Variants in NAALADL2 observed in about 807,000 individuals in gnomAD.
NAALADL2 encodes inactive N-acetylated-alpha-linked acidic dipeptidase-like protein 2.
A neutral mutation model predicts 87.2 loss-of-function variants in NAALADL2; 76 were observed. That is an observed-to-expected ratio of 0.87 (90% CI 0.72 to 1.05). The LOEUF is 1.05. NAALADL2 is among the 50% of genes least tolerant of loss of function. NAALADL2 has a pLI of 0.00. For missense variants in NAALADL2, 1,089 were observed against 945.8 expected (o/e 1.15, Z -1.99); for synonymous variants, 354 against 331.0 (o/e 1.07, Z -0.75).
At chr3:175,507,221 T>A (rs1336287851) in intron 9 of NAALADL2, among the ~76,000 whole-genome samples, 1 of 152,098 alleles carries the variant, frequency 6.6e-6, no homozygotes, top group East Asian at 1.9e-4. Flanking sequence ...CTAAAGTTGT[T>A]TTACTAACAG....
In NAALADL2 at chr3:175,355,338, G is replaced by A. The variant is rs1444797126; in HGVS notation, c.1090+31013G>A. Among the ~76,000 whole-genome samples, 7 of 152,096 alleles carry A rather than the reference G, an allele frequency of 4.6e-5. No homozygotes were observed. In the East Asian group the frequency reaches 1.4e-3, roughly 29 times the overall value. On this transcript the variant is annotated intron_variant, in intron 5 of 13. Transcript: ENST00000454872. ...CACCTCAGCCTCCTCCCAAAGTGCT[G>A]TGATTACAGGTGTTAGACACCGCGC...
intron 5 of NAALADL2, among the ~76,000 whole-genome samples, chr3:175,406,853 T>G (rs988252848): frequency 2.0e-5 from 3 of 152,120 alleles, no homozygotes; most frequent in African/African-American, 7.2e-5. Context: ...TGGTTCAGTT[T>G]TATTCAAATA....
chr3:175,094,959 G>A (rs1290900383), intron 1 of NAALADL2, among the ~76,000 whole-genome samples: 2 of 151,970 alleles, frequency 1.3e-5, no homozygotes, highest in African/African-American at 2.4e-5. Context: ...CTATGTGAAT[G>A]CATCCTGATG....
At chr3:175,651,908 G>A (rs1730814294) in intron 11 of NAALADL2, among the ~76,000 whole-genome samples, 1 of 152,152 alleles carries the variant, frequency 6.6e-6, no homozygotes, top group South Asian at 2.1e-4. Context: ...GAAAACGAAA[G>A]AAAAGCTTGC....
intron 1 of NAALADL2, among the ~76,000 whole-genome samples, chr3:174,900,209 C>A (rs1247992827): frequency 2.0e-5 from 3 of 151,914 alleles, no homozygotes; most frequent in African/African-American, 4.8e-5. Context: ...TAAACTATCA[C>A]AATTAGCTTT....
At chr3:175,481,747 T>C (rs1726503836) in intron 9 of NAALADL2, among the ~76,000 whole-genome samples, 1 of 151,896 alleles carries the variant, frequency 6.6e-6, no homozygotes, top group Non-Finnish European at 1.5e-5. Context: ...TATAATGAAA[T>C]ACTACCTAGC....
At chr3:174,899,052 A>T (rs563653505) in intron 1 of NAALADL2, among the ~76,000 whole-genome samples, 4 of 152,196 alleles carry the variant, frequency 2.6e-5, no homozygotes, top group Non-Finnish European at 4.4e-5. Context: ...TGGCAAGGAA[A>T]CATATTCCTG....
chr3:175,786,240 C>G (rs544994418), intron 13 of NAALADL2, among the ~76,000 whole-genome samples: 5,442 of 151,622 alleles, frequency 0.036, 336 homozygotes, highest in African/African-American at 0.13. Context: ...GAATCTGAAC[C>G]TTGGCCTGCC....
chr3:174,532,529 C>T (rs1721337626), intron 1 of NAALADL2, among the ~76,000 whole-genome samples: 1 of 152,044 alleles, frequency 6.6e-6, no homozygotes, highest in Non-Finnish European at 1.5e-5. Flanking sequence ...ATCATTGAAT[C>T]CTATATGGAA....
rs567292797 is a variant in NAALADL2 at position 175,003,600 on chromosome 3, A to G, written c.44-93190A>G. Among the ~76,000 whole-genome samples the G allele has an allele frequency of 3.3e-5, 5 of 152,300 alleles. No individual in the cohort carries two copies. The East Asian group carries it at 9.7e-4, about 29-fold the overall frequency. On this transcript the variant is annotated intron_variant, in intron 1 of 13. Transcript: ENST00000454872. ...TGACTTTGAGGCATTCCATAAGTTA[A>G]ATAAGAAAAAAATTGTGTCTGATCT...
intron 2 of NAALADL2, among the ~76,000 whole-genome samples, chr3:174,602,025 A>T (rs1718507002): frequency 6.6e-6 from 1 of 152,162 alleles, no homozygotes; most frequent in Non-Finnish European, 1.5e-5. Context: ...TTATACCAGT[A>T]CCCTGGCATT....
At chr3:174,606,237 A>G (rs1288159137) in intron 2 of NAALADL2, among the ~76,000 whole-genome samples, 1 of 152,206 alleles carries the variant, frequency 6.6e-6, no homozygotes, top group Non-Finnish European at 1.5e-5. Flanking sequence ...GAGCAGAAAA[A>G]CTGGAAACTT....
intron 5 of NAALADL2, among the ~76,000 whole-genome samples, chr3:175,417,117 GAAAAAAA>G (rs11424007): frequency 8.0e-6 from 1 of 125,502 alleles, no homozygotes; most frequent in African/African-American, 3.1e-5. Flanking sequence ...GAAGAGAAAA[GAAAAAAA>G]AAAAAAAAAG....
intron 2 of NAALADL2, among the ~76,000 whole-genome samples, chr3:175,129,647 C>T (rs1727499626): frequency 6.6e-6 from 1 of 152,094 alleles, no homozygotes; most frequent in Admixed American, 6.5e-5. Flanking sequence ...CTTTTTAAGG[C>T]TTAATAATAT....
chr3:174,666,532 T>C (rs1725971976), intron 2 of NAALADL2, among the ~76,000 whole-genome samples: 1 of 152,182 alleles, frequency 6.6e-6, no homozygotes. Flanking sequence ...CTACATAATT[T>C]TATTTGGGCA....
At chr3:175,202,049 A>T (rs922778029) in intron 2 of NAALADL2, among the ~76,000 whole-genome samples, 34 of 147,964 alleles carry the variant, frequency 2.3e-4, no homozygotes, top group Admixed American at 1.6e-3. Flanking sequence ...ATTACTATTT[A>T]TTTTTTTTTT....
chr3:175,582,993 C>T (rs1026112562), intron 10 of NAALADL2, among the ~76,000 whole-genome samples: 2 of 148,876 alleles, frequency 1.3e-5, no homozygotes, highest in Non-Finnish European at 3.0e-5. Flanking sequence ...TATACAGATG[C>T]TACTCGACTT....
rs184584402 is a variant in NAALADL2, at chr3:174,554,649, A to C, written c.-115+4012A>C. ...TACTGATAAATTAAAAAATATGTACATTTGTGAGGGTGTTTTAAAGTATTG... is the reference window on the plus strand; with the variant it reads ...TACTGATAAATTAAAAAATATGTACCTTTGTGAGGGTGTTTTAAAGTATTG... On this transcript the variant is annotated intron_variant, in intron 2 of 3. Transcript: ENST00000434257. 4.0e-4 allele frequency among the ~76,000 whole-genome samples: 61 copies of C among 151,958 alleles called. No homozygotes were observed. In the Middle Eastern group the frequency reaches 0.01, roughly 26 times the overall value.
At chr3:175,592,964 A>T (rs1445123627) in intron 10 of NAALADL2, among the ~76,000 whole-genome samples, 1 of 152,030 alleles carries the variant, frequency 6.6e-6, no homozygotes, top group Non-Finnish European at 1.5e-5. Context: ...TTCATTTAAC[A>T]CCTTTCCATG....
Sources: allele counts gnomAD v4.1 joint callset (sites outside exome capture counted in the v4.1 genomes callset), GRCh38; gene constraint gnomAD v4.1.1; transcripts MANE v1.5; gene names NCBI Gene and HGNC (gene_info 2026-07-23, HGNC 2026-07-21).